Variants in SEC61A1 observed in about 807,000 individuals in gnomAD.
The protein encoded by SEC61A1 is protein transport protein Sec61 subunit alpha isoform 1.
In SEC61A1, 15 loss-of-function variants were observed where a neutral mutation model predicts 55.2. The observed-to-expected ratio is 0.27, with a 90% CI of 0.18 to 0.42. The LOEUF is 0.42. Ranked by LOEUF, SEC61A1 falls within the 10% of genes least tolerant of loss-of-function variation. The probability of loss-of-function intolerance (pLI) is 1.00; values close to 1 mark genes in which losing one functional copy is unlikely to be tolerated. For synonymous variants in SEC61A1, 247 were observed against 234.0 expected, an observed-to-expected ratio of 1.06 and a Z score of -0.51; for missense variants, 284 against 602.6, an observed-to-expected ratio of 0.47 and a Z score of 5.53.
At position 128,067,945 on chromosome 3, in the gene SEC61A1, C is replaced by T; in HGVS notation, c.1168-38C>T. 1 of 1,560,412 alleles carries T rather than the reference C, an allele frequency of 6.4e-7. No individual in the cohort carries two copies. Among genetic ancestry groups the T allele is most frequent in the Non-Finnish European group, 8.8e-7 (1 of 1,131,320 alleles). ...CTTGGAATGCCTATTTCCCCTTCAG[C>T]CTCCAATTCCAACTTCTCCCCTGTG... On this transcript the variant is annotated intron_variant, in intron 10 of 11. Transcript: ENST00000243253. The surrounding 1 kb of genome is among the most constrained non-coding windows in gnomAD (Gnocchi z 4.1).
At chr3:128,065,376 A>G (rs1941935619) in intron 8 of SEC61A1, 1 of 567,022 alleles carries the variant, frequency 1.8e-6, no homozygotes. Context: ...TCTCTTATAG[A>G]AAGTTTGTAT....
At chr3:128,053,755 G>A (rs1370229723) in intron 2 of SEC61A1, among the ~76,000 whole-genome samples, 2 of 152,206 alleles carry the variant, frequency 1.3e-5, no homozygotes, top group African/African-American at 2.4e-5. Flanking sequence ...CTGGAGGCAG[G>A]CAAGCCTAGG....
chr3:128,054,955 T>G (rs1454233658), intron 2 of SEC61A1, among the ~76,000 whole-genome samples: 2 of 152,222 alleles, frequency 1.3e-5, no homozygotes, highest in African/African-American at 4.8e-5. Context: ...ATGTTACTAG[T>G]AGGTTAAACA....
intron 5 of SEC61A1, 96 bp downstream of exon 5, chr3:128,056,936 TA>T (rs1941780442): frequency 6.3e-6 from 6 of 948,224 alleles, no homozygotes; most frequent in East Asian, 3.4e-5. Context: ...ATTTATTTTT[TA>T]TTTTTTTTTT....
At chr3:128,065,301 A>T in intron 8 of SEC61A1, 1 of 597,256 alleles carries the variant, frequency 1.7e-6, no homozygotes, top group Non-Finnish European at 3.0e-6. Context: ...TCGACAGGTA[A>T]GATACATTTT....
At chr3:128,065,154 G>C in intron 8 of SEC61A1, 117 bp downstream of exon 8, 2 of 1,161,186 alleles carry the variant, frequency 1.7e-6, no homozygotes, top group Non-Finnish European at 2.6e-6. Flanking sequence ...TTGAAACGAT[G>C]AGATGGTATT....
At chr3:128,065,462 C>T (rs1245123091) in intron 8 of SEC61A1, among the ~76,000 whole-genome samples, 1 of 152,162 alleles carries the variant, frequency 6.6e-6, no homozygotes. Context: ...AGTATTCCAT[C>T]TCTTAAACTT....
rs1375999485 is a variant in SEC61A1, at chr3:128,064,982, A to G, written c.722A>G (p.Asn241Ser). The change falls in exon 8 of 12, where the codon AAC becomes AGC. Residue 241 changes from asparagine to serine, a missense_variant. By Grantham distance (46) the Asn-to-Ser change is conservative. Transcript: ENST00000243253. ...REAFYRQNLP[N>S]LMNLIATIFV... ...GCGTTCTACCGCCAGAATCTTCCCA[A>G]CCTCATGAATCTCATCGCCACCATC... is the stretch of plus-strand genomic sequence containing the variant. 3 of 1,614,144 alleles carry G rather than the reference A, an allele frequency of 1.9e-6. No individual in the cohort carries two copies. The highest frequency in any genetic ancestry group is 1.1e-5 in the South Asian group (1 of 91,074).
intron 5 of SEC61A1, 21 bp downstream of exon 5, chr3:128,056,861 T>A: frequency 6.6e-7 from 1 of 1,517,244 alleles, no homozygotes; most frequent in East Asian, 2.4e-5. Flanking sequence ...TTGTGAATAA[T>A]CTGATGTCTA....
At chr3:128,069,435 C>A in intron 11 of SEC61A1, 41 bp from the exon 12 acceptor site, 1 of 1,589,104 alleles carries the variant, frequency 6.3e-7, no homozygotes, top group Non-Finnish European at 8.5e-7. Context: ...TCACGGGGAG[C>A]TCTGTGGGTG....
At chr3:128,066,261 G>T (rs1054101918) in intron 8 of SEC61A1, among the ~76,000 whole-genome samples, 2 of 152,138 alleles carry the variant, frequency 1.3e-5, no homozygotes. Context: ...CAGTGTAAAA[G>T]CTTAGGAAAC....
At chr3:128,068,832 C>T (rs1265197415) in intron 11 of SEC61A1, 1 of 152,612 alleles carries the variant, frequency 6.6e-6, no homozygotes, top group Middle Eastern at 3.4e-3. Flanking sequence ...CACAGACAGA[C>T]AACAGACAAA....
At chr3:128,061,228 A>G (rs1941846652) in intron 7 of SEC61A1, among the ~76,000 whole-genome samples, 1 of 152,214 alleles carries the variant, frequency 6.6e-6, no homozygotes, top group Non-Finnish European at 1.5e-5. Flanking sequence ...AATCTTGGTT[A>G]CCAGGATGCA....
chr3:128,056,883 T>C (rs1469571683), intron 5 of SEC61A1, 43 bp downstream of exon 5: 1 of 1,406,512 alleles, frequency 7.1e-7, no homozygotes, highest in African/African-American at 1.5e-5. Context: ...AGTTGGAAAA[T>C]TTGAATTTGC....
Position 128,067,002 on chromosome 3 carries a change from TACA to T in SEC61A1, c.830_832del (p.Asn277del). On this transcript the variant is annotated inframe_deletion, in exon 9 of 12. Transcript: ENST00000243253. The surrounding 1 kb of genome is among the most constrained non-coding windows in gnomAD (Gnocchi z 4.1). ...CAAGTCGGCCCGCTACCGTGGCCAG[TACA>T]ACACCTATCCCATCAAGCTCTTCTA... 2 of 1,614,224 alleles carry T rather than the reference TACA, an allele frequency of 1.2e-6. No homozygotes were observed. Among genetic ancestry groups the T allele is most frequent in the Non-Finnish European group, 1.7e-6 (2 of 1,180,038 alleles).
At chr3:128,055,797 T>G in intron 4 of SEC61A1, 46 bp downstream of exon 4, 1 of 1,419,834 alleles carries the variant, frequency 7.0e-7, no homozygotes, top group Non-Finnish European at 9.9e-7. Flanking sequence ...TAGGCTTACC[T>G]AGCTTCACTT....
At chr3:128,052,010 G>A (rs1941681765), upstream of SEC61A1, 2 of 903,330 alleles carry the variant, frequency 2.2e-6, no homozygotes, top group South Asian at 1.4e-5. Flanking sequence ...CCTGCTCCAG[G>A]GAGCTTACGG....
chr3:128,054,965 A>T (rs1240129899), intron 2 of SEC61A1, among the ~76,000 whole-genome samples: 1 of 152,256 alleles, frequency 6.6e-6, no homozygotes, highest in Admixed American at 6.5e-5. Context: ...TAGGTTAAAC[A>T]TGCAACTCTC....
Position 128,065,051 on chromosome 3 carries a change from C to T in SEC61A1, c.777+14C>T. On this transcript the variant is annotated intron_variant, in intron 8 of 11. Transcript: ENST00000243253. Reference sequence around the variant, plus strand: ...ATCTATTTCCAGGTGTGTCCAGATCCAACCCCAGGGAGTTTCCATGGTCTG... The same window carrying T: ...ATCTATTTCCAGGTGTGTCCAGATCTAACCCCAGGGAGTTTCCATGGTCTG... The T allele has an allele frequency of 6.2e-7, 1 of 1,613,914 alleles. No individual in the cohort carries two copies. The highest frequency in any genetic ancestry group is 8.5e-7 in the Non-Finnish European group (1 of 1,179,756).
Sources: gnomAD v4.1 joint callset for allele counts (sites outside exome capture counted in the v4.1 genomes callset) on GRCh38, gnomAD v4.1.1 for gene constraint, Gnocchi (gnomAD v3.1) non-coding constraint, MANE v1.5 for transcripts, NCBI Gene and HGNC (gene_info 2026-07-23, HGNC 2026-07-21) for gene names.